The following RBM33 variants were observed in gnomAD, a reference collection of about 807,000 sequenced individuals.
The protein encoded by RBM33 is RNA binding motif protein 33, also known as RNA-binding protein 33.
RBM33 carries 28 observed loss-of-function variants against 132.6 expected under a neutral mutation model. The observed-to-expected ratio is 0.21, with a 90% confidence interval of 0.16 to 0.29. RBM33 has a LOEUF of 0.29. Among genes scored for constraint, RBM33 ranks in the 10% least tolerant of loss-of-function variants. The probability of loss-of-function intolerance (pLI) is 1.00; values close to 1 mark genes in which losing one functional copy is unlikely to be tolerated. For missense variants in RBM33, 1,291 were observed against 1,518.5 expected (o/e 0.85, Z 2.49); for synonymous variants, 634 against 593.0 (o/e 1.07, Z -1.01).
rs1253610216 is a variant in RBM33 at position 155,775,900 on chromosome 7, CACT to C, written c.*860_*862del. On this transcript the variant is annotated 3_prime_UTR_variant, in exon 18 of 18. Coordinates refer to ENST00000401878, the MANE Select transcript of RBM33 (RefSeq NM_053043.3). ...AAATGCAGTAAGGTGGCCTGTTTAT[CACT>C]GGCTCTGTGATACATGACATTCTTT... The C allele has an allele frequency of 6.6e-6, 1 of 152,234 alleles. No homozygotes were observed. Among genetic ancestry groups the C allele is most frequent in the African/African-American group, 2.4e-5 (1 of 41,448 alleles). The allele number at this position is 152,234 out of a possible 1,614,324, so 9.4% of individuals were successfully genotyped here.
At chr7:155,735,720 T>A (rs1022290393) in intron 9 of RBM33, among the ~76,000 whole-genome samples, 2 of 124,978 alleles carry the variant, frequency 1.6e-5, no homozygotes, top group Non-Finnish European at 3.1e-5. Context: ...TCTCTCTCTG[T>A]CTCTCTCTCT....
At chr7:155,718,467 C>T (rs1489965788) in intron 9 of RBM33, 24 bp downstream of exon 9, 1 of 1,595,118 alleles carries the variant, frequency 6.3e-7, no homozygotes, top group East Asian at 2.2e-5. Flanking sequence ...GCTCCTTCTC[C>T]TTTGATAGGG....
chr7:155,662,528 G>T (rs1322024908), intron 1 of RBM33, among the ~76,000 whole-genome samples: 1 of 147,096 alleles, frequency 6.8e-6, no homozygotes, highest in African/African-American at 2.5e-5. Flanking sequence ...CGCCCCCCCC[G>T]CTCTGAGCCA....
At chr7:155,739,648 G>T in intron 11 of RBM33, 67 bp from the exon 12 acceptor site, 1 of 1,448,356 alleles carries the variant, frequency 6.9e-7, no homozygotes, top group Non-Finnish European at 9.1e-7. Flanking sequence ...TTTAGGAAAT[G>T]ATTGAAGTGA....
intron 5 of RBM33, chr7:155,685,130 A>G: frequency 7.0e-7 from 1 of 1,436,784 alleles, no homozygotes; most frequent in Non-Finnish European, 9.4e-7. Flanking sequence ...TCTTTTTAGC[A>G]TTAGCGAAAG....
chr7:155,719,436 CAG>C (rs891073117), intron 9 of RBM33, among the ~76,000 whole-genome samples: 2 of 152,030 alleles, frequency 1.3e-5, no homozygotes, highest in Non-Finnish European at 2.9e-5. Context: ...ATTTAAGGTT[CAG>C]AGTATTTTAT....
chr7:155,647,438 C>CT (rs375705827), intron 1 of RBM33, among the ~76,000 whole-genome samples: 76 of 149,018 alleles, frequency 5.1e-4, no homozygotes, highest in African/African-American at 1.3e-3. Context: ...TTATTTTTTA[C>CT]TTTTTTTTTT....
chr7:155,737,532 C>A lies in RBM33; in HGVS notation c.1263C>A (p.Gly421=). Residue 421 remains glycine, a splice_region_variant and synonymous_variant, in exon 10 of 18, where the codon GGC becomes GGA. Coordinates refer to ENST00000401878, the MANE Select transcript of RBM33 (RefSeq NM_053043.3). The stretch of plus-strand genomic sequence containing the variant: ...CTGTTGTTGTTGTTGTTCTTTAGGG[C>A]CCTCCAGAATTTCCACAGCATACAC... ...RPAVGPQRFP[G]PPEFPQHTPG... The A allele has an allele frequency of 1.9e-6, 3 of 1,593,966 alleles. No homozygotes were observed. The highest frequency in any genetic ancestry group is 1.8e-5 in the Admixed American group (1 of 54,490).
At chr7:155,682,655 G>A (rs908365744) in intron 5 of RBM33, among the ~76,000 whole-genome samples, 15 of 152,174 alleles carry the variant, frequency 9.9e-5, no homozygotes, top group African/African-American at 2.4e-4. Context: ...TTGCTAAACC[G>A]TGTCATGAAC....
chr7:155,695,977 C>T (rs1344100390), intron 5 of RBM33, among the ~76,000 whole-genome samples: 2 of 152,044 alleles, frequency 1.3e-5, no homozygotes, highest in Non-Finnish European at 2.9e-5. Context: ...TTTTTCCATA[C>T]GTTTTTCTAA....
chr7:155,654,440 G>A (rs1798438525), intron 1 of RBM33, among the ~76,000 whole-genome samples: 1 of 151,682 alleles, frequency 6.6e-6, no homozygotes. Context: ...AGGCTGTGTT[G>A]CATATGAAGT....
At chr7:155,673,768 G>GCGCGCGCACACACACACA (rs1554469952) in intron 3 of RBM33, among the ~76,000 whole-genome samples, 2 of 132,962 alleles carry the variant, frequency 1.5e-5, no homozygotes, top group African/African-American at 6.5e-5. Flanking sequence ...GCGCATGCGC[G>GCGCGCGCACACACACACA]CACACACACA....
chr7:155,771,506 C>G (rs1802424812), intron 16 of RBM33, among the ~76,000 whole-genome samples: 1 of 152,166 alleles, frequency 6.6e-6, no homozygotes, highest in African/African-American at 2.4e-5. Context: ...ATTGAAGAAT[C>G]TCACTGGAAG....
intron 14 of RBM33, among the ~76,000 whole-genome samples, chr7:155,753,356 G>T (rs544924436): frequency 6.6e-6 from 1 of 152,358 alleles, no homozygotes; most frequent in South Asian, 2.1e-4. Context: ...CAAATCTGCA[G>T]TGGTAACTTG....
At chr7:155,685,989 A>C (rs1799466873) in intron 5 of RBM33, among the ~76,000 whole-genome samples, 1 of 152,218 alleles carries the variant, frequency 6.6e-6, no homozygotes, top group African/African-American at 2.4e-5. Flanking sequence ...TGTGCACATT[A>C]CAAAACAGAA....
In RBM33 at chr7:155,780,725, G is replaced by C. The variant is rs1047461253; in HGVS notation, c.*5684G>C. 3 of 152,354 alleles carry C rather than the reference G, an allele frequency of 2.0e-5. No homozygotes were observed. The highest frequency in any genetic ancestry group is 7.2e-5 in the African/African-American group (3 of 41,454). 9.4% of individuals were successfully genotyped at this position (152,354 alleles called of 1,614,324 possible). A position where few individuals can be genotyped will look rare whatever the true frequency, so the allele number is the denominator to read the frequency against. ...TGCCACTCTGCTCCGCCTCAGCCTTGAGAACTCCACGTGGGCTGGGTGGGA... is the reference window on the plus strand; with the variant it reads ...TGCCACTCTGCTCCGCCTCAGCCTTCAGAACTCCACGTGGGCTGGGTGGGA... On this transcript the variant is annotated 3_prime_UTR_variant, in exon 18 of 18. Coordinates refer to ENST00000401878, the MANE Select transcript of RBM33 (RefSeq NM_053043.3).
At chr7:155,734,267 A>G (rs1264348861) in intron 9 of RBM33, among the ~76,000 whole-genome samples, 1 of 152,164 alleles carries the variant, frequency 6.6e-6, no homozygotes, top group African/African-American at 2.4e-5. Flanking sequence ...GGATGTGTTC[A>G]TTGCTGGGAG....
chr7:155,713,724 A>G (rs545059733), intron 8 of RBM33, among the ~76,000 whole-genome samples: 88 of 152,320 alleles, frequency 5.8e-4, no homozygotes, highest in African/African-American at 2.0e-3. Flanking sequence ...AAGTTGGATG[A>G]TAATTGATGG....
intron 5 of RBM33, among the ~76,000 whole-genome samples, chr7:155,687,832 G>A (rs74747806): frequency 6.6e-6 from 1 of 151,470 alleles, no homozygotes; most frequent in African/African-American, 2.4e-5. Flanking sequence ...TCCATTTGTC[G>A]GTATCTCTGT....
Sources: gnomAD v4.1 joint callset for allele counts (sites outside exome capture counted in the v4.1 genomes callset) on GRCh38, gnomAD v4.1.1 for gene constraint, MANE v1.5 for transcripts, NCBI Gene and HGNC (gene_info 2026-07-23, HGNC 2026-07-21) for gene names.